Variants in ROBO1 observed in about 807,000 individuals in gnomAD.
ROBO1 encodes the protein roundabout guidance receptor 1, also known as roundabout homolog 1.
In ROBO1, 149 loss-of-function variants were observed where a neutral mutation model predicts 195.9. That is an observed-to-expected ratio of 0.76 (90% CI 0.67 to 0.87). The LOEUF is 0.87. Among genes scored for constraint, ROBO1 ranks in the 40% least tolerant of loss-of-function variants. The pLI, the probability that ROBO1 is intolerant of heterozygous loss-of-function variation, is 0.00. For synonymous variants in ROBO1, 816 were observed against 733.2 expected, an observed-to-expected ratio of 1.11 and a Z score of -1.82; for missense variants, 1,933 against 2,068.3, an observed-to-expected ratio of 0.93 and a Z score of 1.27.
intron 4 of ROBO1, among the ~76,000 whole-genome samples, chr3:78,934,315 A>G (rs1011733226): frequency 5.9e-5 from 9 of 151,974 alleles, no homozygotes; most frequent in Admixed American, 4.6e-4. Flanking sequence ...TACGTGTACA[A>G]AAGAGTAAAA....
chr3:78,751,953 T>A (rs528605343), intron 4 of ROBO1, among the ~76,000 whole-genome samples: 79 of 152,146 alleles, frequency 5.2e-4, no homozygotes, highest in African/African-American at 1.9e-3. Flanking sequence ...TCTACTTCCA[T>A]TGATAAAGAC....
At chr3:79,396,298 T>C (rs2037152025) in intron 2 of ROBO1, among the ~76,000 whole-genome samples, 1 of 152,084 alleles carries the variant, frequency 6.6e-6, no homozygotes, top group Non-Finnish European at 1.5e-5. Flanking sequence ...GCCTTAACGA[T>C]AACTAATATT....
chr3:78,884,162 A>C (rs1371461476), intron 4 of ROBO1, among the ~76,000 whole-genome samples: 3 of 152,228 alleles, frequency 2.0e-5, no homozygotes, highest in Admixed American at 6.5e-5. Context: ...AAGGAACATG[A>C]ATGTTATTAT....
At chr3:79,234,336 G>A (rs1329525726) in intron 2 of ROBO1, among the ~76,000 whole-genome samples, 6 of 151,988 alleles carry the variant, frequency 3.9e-5, no homozygotes, top group Admixed American at 2.6e-4. Flanking sequence ...CATTTAAATC[G>A]TTAAGCCATC....
At chr3:79,744,982 A>G (rs1292582618) in intron 1 of ROBO1, among the ~76,000 whole-genome samples, 1 of 152,154 alleles carries the variant, frequency 6.6e-6, no homozygotes, top group African/African-American at 2.4e-5. Context: ...TCTATAATCC[A>G]GGATATAAAT....
chr3:78,915,816 T>C (rs965642888), intron 4 of ROBO1, among the ~76,000 whole-genome samples: 12 of 152,174 alleles, frequency 7.9e-5, no homozygotes, highest in African/African-American at 2.6e-4. Flanking sequence ...TCATCATGCC[T>C]GGCTAATTTT....
intron 1 of ROBO1, among the ~76,000 whole-genome samples, chr3:79,727,483 G>A (rs1210244563): frequency 6.6e-6 from 1 of 151,970 alleles, no homozygotes; most frequent in Non-Finnish European, 1.5e-5. Context: ...TCATTTAAAT[G>A]AATAAAATTT....
chr3:79,274,914 AC>A (rs1414978117), intron 2 of ROBO1, among the ~76,000 whole-genome samples: 1 of 151,986 alleles, frequency 6.6e-6, no homozygotes, highest in African/African-American at 2.4e-5. Flanking sequence ...GAAACATACA[AC>A]CTACCAAGAT....
intron 2 of ROBO1, among the ~76,000 whole-genome samples, chr3:79,285,541 G>C (rs1559790862): frequency 6.6e-6 from 1 of 152,174 alleles, no homozygotes; most frequent in Non-Finnish European, 1.5e-5. Flanking sequence ...GTATCCAGAG[G>C]CACGAAAGAA....
chr3:79,600,201 G>A (rs1052496974), intron 1 of ROBO1, among the ~76,000 whole-genome samples: 2 of 151,966 alleles, frequency 1.3e-5, no homozygotes, highest in Non-Finnish European at 2.9e-5. Flanking sequence ...AGTTGCAGAC[G>A]TATTTTTCTG....
At chr3:78,654,115 C>T (rs1160900260) in intron 18 of ROBO1, among the ~76,000 whole-genome samples, 2 of 152,146 alleles carry the variant, frequency 1.3e-5, no homozygotes, top group Non-Finnish European at 2.9e-5. Context: ...ATGGATTCTT[C>T]TTTCAATGGA....
Position 78,703,896 on chromosome 3 carries a change from T to C in ROBO1, c.1045+10501A>G, listed in dbSNP as rs144893786. 2.2e-4 allele frequency among the ~76,000 whole-genome samples: 34 copies of C among 152,250 alleles called. 1 individual carries two copies. The East Asian group carries it at 6.6e-3, about 29-fold the overall frequency. ...AGCACTAGTGACTTTAGTGGGCATC[T>C]GTGGATTATTGCCATATGTCATTAA... On this transcript the variant is annotated intron_variant, in intron 8 of 30. Transcript: ENST00000464233.
At chr3:79,228,673 AGTTCT>A (rs1056156817) in intron 2 of ROBO1, among the ~76,000 whole-genome samples, 17 of 152,182 alleles carry the variant, frequency 1.1e-4, no homozygotes, top group African/African-American at 4.1e-4. Flanking sequence ...TAACTTATAT[AGTTCT>A]GTATTGGATA....
chr3:78,774,775 G>C (rs1439299856), intron 4 of ROBO1, among the ~76,000 whole-genome samples: 2 of 152,054 alleles, frequency 1.3e-5, no homozygotes, highest in African/African-American at 4.8e-5. Context: ...TGATACCAAT[G>C]ATCTCTAATG....
intron 4 of ROBO1, among the ~76,000 whole-genome samples, chr3:78,765,474 T>C (rs1442698111): frequency 6.6e-6 from 1 of 151,990 alleles, no homozygotes; most frequent in Non-Finnish European, 1.5e-5. Context: ...GAAATTACAT[T>C]AAAGTAAAAC....
At chr3:79,566,618 T>C (rs2107730062) in intron 2 of ROBO1, among the ~76,000 whole-genome samples, 1 of 152,222 alleles carries the variant, frequency 6.6e-6, no homozygotes, top group Admixed American at 6.6e-5. Flanking sequence ...ATCTTACCAT[T>C]GAGCACTTTA....
At chr3:79,551,970 T>C (rs1211538405) in intron 2 of ROBO1, among the ~76,000 whole-genome samples, 1 of 102,332 alleles carries the variant, frequency 9.8e-6, no homozygotes, top group African/African-American at 3.9e-5. Flanking sequence ...CTTTGATCTC[T>C]CTACAGAGTT....
intron 2 of ROBO1, among the ~76,000 whole-genome samples, chr3:79,149,687 T>TC (rs2080726495): frequency 6.6e-6 from 1 of 151,770 alleles, no homozygotes; most frequent in East Asian, 1.9e-4. Flanking sequence ...GGTTTCAGTG[T>TC]TTTGGCGAGT....
Position 78,633,943 on chromosome 3 carries a change from C to T in ROBO1, c.3473G>A (p.Ser1158Asn), listed in dbSNP as rs1705331423. The change falls in exon 24 of 31, where the codon AGT becomes AAT. Residue 1158 changes from serine to asparagine, a missense_variant. By Grantham distance (46) the Ser-to-Asn change is conservative. Around this residue, in one of 3 missense-constraint regions of ROBO1, gnomAD observed 1,737 missense variants for 1,882.5 expected, o/e 0.92. Coordinates refer to ENST00000464233, the MANE Select transcript of ROBO1 (RefSeq NM_002941.4). ...TGGTTCATCTTACTTACCAGATGTA[C>T]TACTGCCCCGGTCTGAGCTGTTGTA... ...GSYNSSDRGS[S>N]TSGSQGHKKG... 2 of 1,605,750 alleles carry T rather than the reference C, an allele frequency of 1.2e-6. No individual in the cohort carries two copies. Among genetic ancestry groups the T allele is most frequent in the African/African-American group, 1.3e-5 (1 of 74,752 alleles).
Sources: gnomAD v4.1 joint callset for allele counts (sites outside exome capture counted in the v4.1 genomes callset) on GRCh38, gnomAD v4.1.1 for gene constraint, gnomAD v4.1.1 regional missense constraint, MANE v1.5 for transcripts, NCBI Gene and HGNC (gene_info 2026-07-23, HGNC 2026-07-21) for gene names.